EDIL3: variants seen among roughly 807,000 people sequenced by gnomAD.
The protein encoded by EDIL3 is EGF-like repeat and discoidin I-like domain-containing protein 3.
A neutral mutation model predicts 67.4 loss-of-function variants in EDIL3; 37 were observed. The observed-to-expected ratio is 0.55, with a 90% confidence interval of 0.42 to 0.72. The LOEUF (loss-of-function observed/expected upper bound fraction) is 0.72. EDIL3 is among the 30% of genes least tolerant of loss of function. The pLI is 0.00. For synonymous variants in EDIL3, 195 were observed against 196.3 expected (o/e 0.99, Z 0.05); for missense variants, 527 against 586.3 (o/e 0.90, Z 1.04).
At chr5:84,101,052 A>G (rs1285493192) in intron 6 of EDIL3, among the ~76,000 whole-genome samples, 3 of 152,114 alleles carry the variant, frequency 2.0e-5, no homozygotes, top group Non-Finnish European at 4.4e-5. Flanking sequence ...TAATCCTTTT[A>G]GAATTATTAA....
intron 1 of EDIL3, among the ~76,000 whole-genome samples, chr5:84,364,422 G>A (rs1747686160): frequency 6.6e-6 from 1 of 152,088 alleles, no homozygotes; most frequent in African/African-American, 2.4e-5. Context: ...TACAGATGCA[G>A]AGTTATACAA....
chr5:84,079,407 C>A (rs1045265665), intron 6 of EDIL3, among the ~76,000 whole-genome samples: 1 of 151,834 alleles, frequency 6.6e-6, no homozygotes, highest in East Asian at 1.9e-4. Flanking sequence ...TAACCTATGG[C>A]GTGTGCAGTA....
chr5:84,368,052 A>C (rs1426215960), intron 1 of EDIL3, among the ~76,000 whole-genome samples: 1 of 152,184 alleles, frequency 6.6e-6, no homozygotes, highest in East Asian at 1.9e-4. Context: ...TTGCACTGGC[A>C]GAATTTGTCT....
Position 84,340,287 on chromosome 5 carries a change from G to A in EDIL3, c.67+44021C>T, listed in dbSNP as rs549021929. On this transcript the variant is annotated intron_variant, in intron 1 of 10. Transcript: ENST00000296591. ...GTCTCAGAGCACTGACTCTGGAACT[G>A]AGCAGCTCTGCCAGTTATAAGCTCT... Among the ~76,000 whole-genome samples the A allele has an allele frequency of 1.2e-4, 18 of 151,648 alleles. 1 individual carries two copies. Among genetic ancestry groups the A allele is most frequent in the African/African-American group, 3.9e-4 (16 of 41,334 alleles).
At chr5:83,970,640 A>G (rs1026601871) in intron 9 of EDIL3, among the ~76,000 whole-genome samples, 1 of 89,332 alleles carries the variant, frequency 1.1e-5, no homozygotes, top group Non-Finnish European at 2.0e-5. Context: ...ACATAGGATC[A>G]CAGTATATAT....
intron 4 of EDIL3, among the ~76,000 whole-genome samples, chr5:84,167,358 C>T (rs368729052): frequency 1.3e-5 from 2 of 152,142 alleles, no homozygotes; most frequent in African/African-American, 4.8e-5. Flanking sequence ...TTCCTTTCCT[C>T]AGACTCCCAC....
intron 2 of EDIL3, among the ~76,000 whole-genome samples, chr5:84,233,799 T>C (rs1324406732): frequency 6.6e-6 from 1 of 152,138 alleles, no homozygotes; most frequent in Non-Finnish European, 1.5e-5. Context: ...CACTCTCCTT[T>C]AGATGTAGAC....
At chr5:84,371,804 A>G (rs1747861901) in intron 1 of EDIL3, among the ~76,000 whole-genome samples, 1 of 152,016 alleles carries the variant, frequency 6.6e-6, no homozygotes, top group Non-Finnish European at 1.5e-5. Flanking sequence ...TTCTACCTAC[A>G]TATCATTTGA....
chr5:83,958,449 G>C (rs763168607), intron 10 of EDIL3, among the ~76,000 whole-genome samples: 3 of 151,420 alleles, frequency 2.0e-5, no homozygotes, highest in Non-Finnish European at 4.4e-5. Flanking sequence ...AGTATTATTG[G>C]AAACAGGGGA....
chr5:84,021,538 G>A (rs1745713691), intron 9 of EDIL3, among the ~76,000 whole-genome samples: 1 of 151,706 alleles, frequency 6.6e-6, no homozygotes, highest in Non-Finnish European at 1.5e-5. Context: ...TTGATTTCTA[G>A]TTTCATTCCA....
chr5:84,267,854 AG>A (rs1745380786), intron 1 of EDIL3, among the ~76,000 whole-genome samples: 1 of 152,214 alleles, frequency 6.6e-6, no homozygotes, highest in Admixed American at 6.5e-5. Context: ...ATTTGGCCAA[AG>A]GCCAGGCTCT....
At chr5:84,006,327 G>C (rs949195209) in intron 9 of EDIL3, among the ~76,000 whole-genome samples, 19 of 150,088 alleles carry the variant, frequency 1.3e-4, no homozygotes, top group African/African-American at 4.4e-4. Flanking sequence ...CACAGAATTA[G>C]AACACTATGC....
At chr5:84,277,276 C>T (rs1745600711) in intron 1 of EDIL3, among the ~76,000 whole-genome samples, 1 of 152,126 alleles carries the variant, frequency 6.6e-6, no homozygotes, top group Admixed American at 6.5e-5. Flanking sequence ...ACTTCCTTGC[C>T]CTCTCTGCTA....
intron 9 of EDIL3, among the ~76,000 whole-genome samples, chr5:84,013,848 A>T (rs374158327): frequency 4.3e-4 from 65 of 152,338 alleles, no homozygotes; most frequent in African/African-American, 1.6e-3. Flanking sequence ...ACAAAGTACC[A>T]AAATATGGAG....
intron 1 of EDIL3, among the ~76,000 whole-genome samples, chr5:84,287,673 C>T (rs567167736): frequency 7.2e-5 from 11 of 152,182 alleles, no homozygotes; most frequent in South Asian, 2.1e-4. Context: ...AAATCAAAAA[C>T]GCTGCTAAAT....
At chr5:84,293,063 C>A (rs1745960565) in intron 1 of EDIL3, among the ~76,000 whole-genome samples, 1 of 152,174 alleles carries the variant, frequency 6.6e-6, no homozygotes, top group Non-Finnish European at 1.5e-5. Context: ...ATGAAACTTT[C>A]TTCCCTTTTA....
At chr5:84,374,999 G>A (rs1269236223) in intron 1 of EDIL3, among the ~76,000 whole-genome samples, 1 of 148,090 alleles carries the variant, frequency 6.8e-6, no homozygotes, top group Non-Finnish European at 1.5e-5. Flanking sequence ...TTCAGACGGA[G>A]TCTCTCTCTG....
intron 9 of EDIL3, among the ~76,000 whole-genome samples, chr5:83,983,984 G>A (rs1024819303): frequency 2.6e-5 from 4 of 151,958 alleles, no homozygotes; most frequent in African/African-American, 4.8e-5. Context: ...AGATTCTCTT[G>A]CTAGGGCTGG....
At chr5:84,307,769 G>A (rs986384240) in intron 1 of EDIL3, among the ~76,000 whole-genome samples, 3 of 152,086 alleles carry the variant, frequency 2.0e-5, no homozygotes, top group Non-Finnish European at 2.9e-5. Context: ...GAGGAGAAAT[G>A]AGAAGAAGGG....
Sources: gnomAD v4.1 joint callset for allele counts (sites outside exome capture counted in the v4.1 genomes callset) on GRCh38, gnomAD v4.1.1 for gene constraint, MANE v1.5 for transcripts, NCBI Gene and HGNC (gene_info 2026-07-23, HGNC 2026-07-21) for gene names.